Variants in GTF2E2 observed in about 807,000 individuals in gnomAD.
The protein encoded by GTF2E2 is general transcription factor IIE subunit 2, also known as transcription initiation factor IIE subunit beta.
Under a neutral mutation model 40.5 loss-of-function variants are expected in GTF2E2, and 21 were observed. The observed-to-expected ratio is 0.52, with a 90% CI of 0.37 to 0.75. The LOEUF is 0.75. GTF2E2 is among the 30% of genes least tolerant of loss of function. The pLI, the probability that GTF2E2 is intolerant of heterozygous loss-of-function variation, is 0.00. For synonymous variants in GTF2E2, 117 were observed against 121.6 expected, an observed-to-expected ratio of 0.96 and a Z score of 0.25; for missense variants, 298 against 338.4, an observed-to-expected ratio of 0.88 and a Z score of 0.94.
At chr8:30,585,405 T>G (rs1828649286) in intron 6 of GTF2E2, among the ~76,000 whole-genome samples, 1 of 152,188 alleles carries the variant, frequency 6.6e-6, no homozygotes, top group Non-Finnish European at 1.5e-5. Flanking sequence ...GATCAGCTAC[T>G]AGACACAAAG....
chr8:30,579,087 G>C, intron 7 of GTF2E2, 50 bp from the exon 8 acceptor site: 2 of 949,694 alleles, frequency 2.1e-6, no homozygotes, highest in Non-Finnish European at 3.5e-6. Context: ...TCTGAGGGGT[G>C]GTGTGGCCAG....
intron 3 of GTF2E2, among the ~76,000 whole-genome samples, chr8:30,615,362 C>T (rs1200005065): frequency 2.0e-5 from 3 of 152,080 alleles, no homozygotes; most frequent in Admixed American, 2.0e-4. Context: ...TAGGAAAAGA[C>T]ACTCAACTTT....
intron 6 of GTF2E2, among the ~76,000 whole-genome samples, chr8:30,602,293 C>T (rs1170399413): frequency 1.3e-5 from 2 of 152,126 alleles, no homozygotes; most frequent in African/African-American, 2.4e-5. Flanking sequence ...GCTGGGATTA[C>T]AGTCATGGGT....
At chr8:30,607,395 C>T (rs1458995883) in intron 5 of GTF2E2, among the ~76,000 whole-genome samples, 1 of 152,170 alleles carries the variant, frequency 6.6e-6, no homozygotes, top group Non-Finnish European at 1.5e-5. Context: ...CCTCCCACCT[C>T]AGCCTCTGGA....
At chr8:30,619,411 G>T (rs1344399969) in intron 3 of GTF2E2, among the ~76,000 whole-genome samples, 2 of 147,724 alleles carry the variant, frequency 1.4e-5, no homozygotes, top group Non-Finnish European at 1.5e-5. Context: ...TTTTTGAGAC[G>T]GAGTTTCGCT....
At chr8:30,604,509 CATT>C in intron 6 of GTF2E2, among the ~76,000 whole-genome samples, 1 of 152,302 alleles carries the variant, frequency 6.6e-6, no homozygotes, top group South Asian at 2.1e-4. Context: ...TTTTAAAACT[CATT>C]AATCAGGTAC....
intron 3 of GTF2E2, among the ~76,000 whole-genome samples, chr8:30,630,378 C>T (rs995336563): frequency 3.3e-5 from 5 of 152,152 alleles, no homozygotes; most frequent in Admixed American, 6.6e-5. Flanking sequence ...CTCACTGTAC[C>T]TATCTAATGC....
chr8:30,656,696 T>C (rs1802457710), intron 1 of GTF2E2, among the ~76,000 whole-genome samples: 2 of 150,722 alleles, frequency 1.3e-5, no homozygotes, highest in South Asian at 4.2e-4. Context: ...TAATCCCAAC[T>C]ACTTGGGAGG....
intron 2 of GTF2E2, chr8:30,643,776 A>T (rs981208684): frequency 6.6e-6 from 1 of 151,994 alleles, no homozygotes; most frequent in Non-Finnish European, 1.5e-5. Flanking sequence ...TCTTAACCCA[A>T]TTTTTGAGGC....
chr8:30,592,585 T>C (rs1828880593), intron 6 of GTF2E2, among the ~76,000 whole-genome samples: 1 of 152,212 alleles, frequency 6.6e-6, no homozygotes, highest in South Asian at 2.1e-4. Flanking sequence ...TGGTATAGTA[T>C]CTACATATAA....
At position 30,620,263 on chromosome 8, in the gene GTF2E2, C is replaced by A. The variant is rs531041305; in HGVS notation, c.259-5548G>T. On this transcript the variant is annotated intron_variant, in intron 3 of 7. Transcript: ENST00000355904. ...AAACACACACACACACACACAAACA[C>A]ACACACACACGTATACATACACACA... Among the ~76,000 whole-genome samples, 314 of 151,974 alleles carry A rather than the reference C, an allele frequency of 2.1e-3. 3 individuals are homozygous for A. Among genetic ancestry groups the A allele is most frequent in the Non-Finnish European group, 2.2e-3 (150 of 68,014 alleles).
At chr8:30,596,891 G>A (rs939452619) in intron 6 of GTF2E2, 9 of 152,216 alleles carry the variant, frequency 5.9e-5, no homozygotes, top group African/African-American at 1.7e-4. Context: ...CACCAGCTTC[G>A]AACTGTGTTA....
intron 3 of GTF2E2, among the ~76,000 whole-genome samples, chr8:30,619,920 T>C (rs1219789565): frequency 6.6e-6 from 1 of 151,972 alleles, no homozygotes; most frequent in Non-Finnish European, 1.5e-5. Context: ...TTATTGCAGA[T>C]TTCCAGGTGT....
At chr8:30,583,789 ATTTATTTAT>A (rs1488073953) in intron 6 of GTF2E2, among the ~76,000 whole-genome samples, 13 of 151,372 alleles carry the variant, frequency 8.6e-5, no homozygotes, top group African/African-American at 1.2e-4. Flanking sequence ...GTATTTATTT[ATTTATTTAT>A]TTTATTTATT....
intron 2 of GTF2E2, among the ~76,000 whole-genome samples, chr8:30,650,693 G>A (rs1367481128): frequency 6.6e-6 from 1 of 151,990 alleles, no homozygotes; most frequent in Non-Finnish European, 1.5e-5. Context: ...TCCAGCCTGG[G>A]CAACAGAGTA....
intron 6 of GTF2E2, among the ~76,000 whole-genome samples, chr8:30,588,374 A>G (rs1047612756): frequency 1.3e-5 from 2 of 152,186 alleles, no homozygotes; most frequent in Admixed American, 6.5e-5. Flanking sequence ...TATACACACA[A>G]TGGAATTCTA....
At chr8:30,655,352 C>G (rs1017376938) in intron 1 of GTF2E2, among the ~76,000 whole-genome samples, 1 of 152,138 alleles carries the variant, frequency 6.6e-6, no homozygotes, top group African/African-American at 2.4e-5. Context: ...AACAAGAATT[C>G]TAAACACACC....
intron 3 of GTF2E2, among the ~76,000 whole-genome samples, chr8:30,629,800 C>A (rs1216961876): frequency 6.6e-6 from 1 of 151,716 alleles, no homozygotes; most frequent in African/African-American, 2.4e-5. Context: ...CCAGGTGATG[C>A]TGATACTGCT....
At chr8:30,595,106 C>A (rs1292988145) in intron 6 of GTF2E2, among the ~76,000 whole-genome samples, 4 of 151,728 alleles carry the variant, frequency 2.6e-5, no homozygotes, top group Non-Finnish European at 5.9e-5. Flanking sequence ...ACATTTTTTT[C>A]AAAAAATGTT....
Sources: gnomAD v4.1 joint callset for allele counts (sites outside exome capture counted in the v4.1 genomes callset) on GRCh38, gnomAD v4.1.1 for gene constraint, MANE v1.5 for transcripts, NCBI Gene and HGNC (gene_info 2026-07-23, HGNC 2026-07-21) for gene names.